The following ZNF7 variants were observed in gnomAD, a reference collection of about 807,000 sequenced individuals.
ZNF7 encodes zinc finger protein 7.
Under a neutral mutation model 12.0 loss-of-function variants are expected in ZNF7, and 10 were observed. The ratio of observed to expected loss-of-function variants is 0.83; its 90% CI spans 0.51 to 1.42. The LOEUF (loss-of-function observed/expected upper bound fraction) is 1.42. Among genes scored for constraint, ZNF7 ranks in the 40% most tolerant of loss-of-function variants. The pLI is 0.00. For missense variants in ZNF7, 854 were observed against 837.2 expected (o/e 1.02, Z -0.25); for synonymous variants, 334 against 295.0 (o/e 1.13, Z -1.35).
intron 3 of ZNF7, chr8:144,834,255 C>T (rs1828751982): frequency 6.6e-6 from 1 of 152,200 alleles, no homozygotes; most frequent in Non-Finnish European, 1.5e-5. Flanking sequence ...GATCTTACAT[C>T]TGGCAACTTT....
intron 4 of ZNF7, among the ~76,000 whole-genome samples, chr8:144,840,668 T>TG (rs1010819961): frequency 1.1e-4 from 17 of 151,884 alleles, no homozygotes; most frequent in South Asian, 4.1e-4. Context: ...GAAGGCCTCC[T>TG]GGGGGCCTCC....
rs2954677 is a variant in ZNF7 at position 144,842,217 on chromosome 8, C to T, written c.1110C>T (p.Ala370=). 1 of 1,614,154 alleles carries T rather than the reference C, an allele frequency of 6.2e-7. No homozygotes were observed. Among genetic ancestry groups the T allele is most frequent in the Non-Finnish European group, 8.5e-7 (1 of 1,180,024 alleles). The change falls in exon 5 of 5, where the codon GCC becomes GCT. Residue 370 remains alanine (A), a synonymous_variant. Transcript: ENST00000532777. ...RPYPCKECGK[A]FSQSSTLAQH... ...ACCCTTGCAAGGAGTGTGGGAAGGC[C>T]TTCAGCCAGAGCTCCACCCTAGCCC...
At chr8:144,846,237 C>G (rs1309042608), downstream of ZNF7, 1 of 1,476,956 alleles carries the variant, frequency 6.8e-7, no homozygotes, top group African/African-American at 1.4e-5. Flanking sequence ...AGCAACCAGC[C>G]AAAAAGGGGC....
At chr8:144,830,503 T>C (rs972654737) in intron 3 of ZNF7, among the ~76,000 whole-genome samples, 3 of 152,248 alleles carry the variant, frequency 2.0e-5, no homozygotes, top group African/African-American at 7.2e-5. Flanking sequence ...CTGTGTCTTA[T>C]TGCTTTGAAG....
rs141394487 is a variant in ZNF7, at chr8:144,841,715, A to G, written c.608A>G (p.Lys203Arg). 101 of 1,614,176 alleles carry G rather than the reference A, an allele frequency of 6.3e-5. No individual in the cohort carries two copies. Among genetic ancestry groups the G allele is most frequent in the Non-Finnish European group, 7.9e-5 (93 of 1,180,026 alleles). Residue 203 changes from lysine to arginine, a missense_variant, in exon 5 of 5, where the codon AAA (lysine) becomes AGA (arginine). Coordinates refer to ENST00000532777, the MANE Select transcript of ZNF7 (RefSeq NM_003416.4). ...GMSQRCEECG[K>R]GIRATSDIAL... ...TCCCAGAGATGCGAGGAGTGTGGCA[A>G]AGGCATCAGAGCCACTTCAGATATC...
At position 144,842,974 on chromosome 8, in the gene ZNF7, A is replaced by G. The variant is rs762995729; in HGVS notation, c.1867A>G (p.Ser623Gly). 1.2e-6 allele frequency: 2 copies of G among 1,614,106 alleles called. No homozygotes were observed. The highest frequency in any genetic ancestry group is 1.3e-5 in the African/African-American group (1 of 74,934). The change falls in exon 5 of 5, where the codon AGC (serine) becomes GGC (glycine). Residue 623 changes from serine to glycine, a missense_variant. By Grantham distance (56) the Ser-to-Gly change is moderately conservative (BLOSUM62 0). Transcript: ENST00000532777. ...TGCCCTGGAAGGGTCCACCTTTGTGAGCCGTAAAAAGGTTAATACTATAAA... is the reference window on the plus strand; with the variant it reads ...TGCCCTGGAAGGGTCCACCTTTGTGGGCCGTAAAAAGGTTAATACTATAAA... ...GNALEGSTFV[S>G]RKKVNTIKKL...
At chr8:144,844,068 G>A (rs188398988), downstream of ZNF7, among the ~76,000 whole-genome samples, 6 of 152,312 alleles carry the variant, frequency 3.9e-5, no homozygotes, top group East Asian at 7.7e-4. Context: ...CAGAAGCAAG[G>A]TGTCACAGCA....
At chr8:144,833,752 A>G (rs1410190056) in intron 3 of ZNF7, 3 of 152,092 alleles carry the variant, frequency 2.0e-5, no homozygotes, top group East Asian at 1.9e-4. Flanking sequence ...TAATACTACA[A>G]GAATACTAAA....
chr8:144,829,295 A>G (rs538688667), intron 2 of ZNF7, 183 bp from the exon 3 acceptor site: 1 of 1,534,640 alleles, frequency 6.5e-7, no homozygotes, highest in South Asian at 1.2e-5. Context: ...TTGTATGACC[A>G]CCATGGACTG....
chr8:144,839,604 C>T (rs1829586797), intron 4 of ZNF7, among the ~76,000 whole-genome samples: 1 of 152,262 alleles, frequency 6.6e-6, no homozygotes, highest in Non-Finnish European at 1.5e-5. Context: ...AATAGAATCC[C>T]ACAGTAGGTG....
At chr8:144,838,959 A>ATCTTACTTCCATTC (rs2130652422) in intron 4 of ZNF7, 2 of 152,024 alleles carry the variant, frequency 1.3e-5, no homozygotes, top group Admixed American at 6.6e-5. Context: ...AAAAAAAAAA[A>ATCTTACTTCCATTC]AAAGCAGGGG....
rs1200642163 is a variant in ZNF7 at position 144,832,150 on chromosome 8, A to G, written c.130+2546A>G. Among the ~76,000 whole-genome samples the G allele has an allele frequency of 1.9e-5, 2 of 102,754 alleles. 1 individual carries two copies. The highest frequency in any genetic ancestry group is 4.9e-4 in the East Asian group (2 of 4,064). 67.4% of individuals were successfully genotyped at this position (102,754 alleles called of 152,430 possible). The stretch of plus-strand genomic sequence containing the variant: ...AAGTTCTGTCCGGGCACAGTGGCTC[A>G]CACCTGTAATCCCAGCGCTTTGGGA... On this transcript the variant is annotated intron_variant, in intron 3 of 4. Transcript: ENST00000532777.
At chr8:144,828,957 G>C (rs1048838573) in intron 1 of ZNF7, 86 bp from the exon 2 acceptor site, 1 of 1,516,748 alleles carries the variant, frequency 6.6e-7, no homozygotes, top group African/African-American at 1.4e-5. Flanking sequence ...GGAGGTAAAG[G>C]AGCAGAGAGC....
chr8:144,837,349 C>A, intron 3 of ZNF7, 42 bp from the exon 4 acceptor site: 2 of 1,536,438 alleles, frequency 1.3e-6, no homozygotes, highest in Non-Finnish European at 1.8e-6. Context: ...CTGCACACTT[C>A]CCGTCATGCT....
intron 3 of ZNF7, among the ~76,000 whole-genome samples, chr8:144,831,310 A>G (rs1006731115): frequency 1.3e-5 from 2 of 152,172 alleles, no homozygotes; most frequent in African/African-American, 4.8e-5. Flanking sequence ...AAGACAGTGT[A>G]GAGAGCAGCT....
chr8:144,846,005 C>G (rs1246960769), downstream of ZNF7: 12 of 1,536,574 alleles, frequency 7.8e-6, no homozygotes, highest in Non-Finnish European at 1.0e-5. Context: ...AACCATGGGA[C>G]AAGAGCCAAG....
intron 3 of ZNF7, chr8:144,836,403 AG>A (rs1828994408): frequency 6.6e-6 from 1 of 152,238 alleles, no homozygotes; most frequent in African/African-American, 2.4e-5. Context: ...TAATAAATAC[AG>A]TTGCCACTTA....
rs1049769003 is a variant in ZNF7 at position 144,843,297 on chromosome 8, A to C, written c.*129A>C. 2.1e-4 allele frequency: 260 copies of C among 1,211,574 alleles called. No individual in the cohort carries two copies. Among genetic ancestry groups the C allele is most frequent in the Non-Finnish European group, 2.7e-4 (243 of 888,764 alleles). 75.1% of individuals were successfully genotyped at this position (1,211,574 alleles called of 1,614,324 possible). A position where few individuals can be genotyped will look rare whatever the true frequency, so the allele number is the denominator to read the frequency against. ...AAGGTTCAGAATTGCTCTCAAGAAT[A>C]TCCAACTTCAGGCCGAGTGTGGTGG... On this transcript the variant is annotated 3_prime_UTR_variant, in exon 5 of 5. Coordinates refer to ENST00000532777, the MANE Select transcript of ZNF7 (RefSeq NM_003416.4).
At position 144,842,884 on chromosome 8, in the gene ZNF7, A is replaced by G. The variant is rs1420178997; in HGVS notation, c.1777A>G (p.Ser593Gly). The change falls in exon 5 of 5, where the codon AGC becomes GGC. Residue 593 changes from serine to glycine, a missense_variant. Coordinates refer to ENST00000532777, the MANE Select transcript of ZNF7 (RefSeq NM_003416.4). ...TGAGTGTGGAAAAGCCTTCAGCCGG[A>G]GCTCATATCTTATTGAACACCAGAG... The part of the protein sequence containing the change: ...CSECGKAFSR[S>G]SYLIEHQRIH... The G allele has an allele frequency of 1.2e-6, 2 of 1,614,096 alleles. No homozygotes were observed. The highest frequency in any genetic ancestry group is 1.7e-6 in the Non-Finnish European group (2 of 1,180,050).
Sources: allele counts gnomAD v4.1 joint callset (sites outside exome capture counted in the v4.1 genomes callset), GRCh38; gene constraint gnomAD v4.1.1; transcripts MANE v1.5; gene names NCBI Gene and HGNC (gene_info 2026-07-23, HGNC 2026-07-21).